PRKN: variants seen among roughly 807,000 people sequenced by gnomAD.
PRKN encodes parkin RBR E3 ubiquitin protein ligase.
In PRKN, 56 loss-of-function variants were observed where a neutral mutation model predicts 59.5. The ratio of observed to expected loss-of-function variants is 0.94; its 90% CI spans 0.76 to 1.18. PRKN has a LOEUF of 1.18. PRKN is among the 50% of genes most tolerant of loss of function. The pLI, the probability that PRKN is intolerant of heterozygous loss-of-function variation, is 0.00. For synonymous variants in PRKN, 250 were observed against 222.1 expected, an observed-to-expected ratio of 1.13 and a Z score of -1.12; for missense variants, 657 against 596.4, an observed-to-expected ratio of 1.10 and a Z score of -1.06.
At chr6:162,159,505 A>G (rs1011981253) in intron 4 of PRKN, among the ~76,000 whole-genome samples, 2 of 152,194 alleles carry the variant, frequency 1.3e-5, no homozygotes, top group Admixed American at 1.3e-4. Flanking sequence ...GTATCTGAAA[A>G]TTCAATATTG....
intron 6 of PRKN, among the ~76,000 whole-genome samples, chr6:161,832,556 G>A (rs933434111): frequency 2.0e-5 from 3 of 150,868 alleles, no homozygotes; most frequent in Admixed American, 1.3e-4. Flanking sequence ...CCCAGGAGGC[G>A]GTGGTTGCAG....
intron 7 of PRKN, among the ~76,000 whole-genome samples, chr6:161,774,113 TGAG>T (rs1789809301): frequency 6.6e-6 from 1 of 152,114 alleles, no homozygotes; most frequent in Non-Finnish European, 1.5e-5. Flanking sequence ...CCAGCTAGAA[TGAG>T]CTCTGCAACA....
At chr6:162,602,475 T>C (rs1415020899) in intron 1 of PRKN, among the ~76,000 whole-genome samples, 2 of 152,162 alleles carry the variant, frequency 1.3e-5, no homozygotes, top group East Asian at 3.9e-4. Flanking sequence ...GAGTTTGTTG[T>C]GAAGGCTCCA....
chr6:162,295,245 C>A (rs1781614841), intron 2 of PRKN, among the ~76,000 whole-genome samples: 1 of 152,154 alleles, frequency 6.6e-6, no homozygotes, highest in Non-Finnish European at 1.5e-5. Context: ...AGCTTTCTTA[C>A]CAGAGGAAGA....
intron 2 of PRKN, among the ~76,000 whole-genome samples, chr6:162,405,880 A>T (rs1186617353): frequency 6.6e-6 from 1 of 152,062 alleles, no homozygotes; most frequent in Non-Finnish European, 1.5e-5. Flanking sequence ...GAACATATAA[A>T]CCACGCAGTC....
chr6:161,923,787 C>T (rs181017323), intron 6 of PRKN, among the ~76,000 whole-genome samples: 3 of 152,122 alleles, frequency 2.0e-5, no homozygotes, highest in Non-Finnish European at 2.9e-5. Context: ...AGTACAATCA[C>T]GAAGTTCAGC....
At chr6:162,474,383 C>CT (rs199966598) in intron 1 of PRKN, among the ~76,000 whole-genome samples, 2,801 of 151,920 alleles carry the variant, frequency 0.018, 42 homozygotes, top group Non-Finnish European at 0.031. Context: ...TATTTGAATG[C>CT]TTTTTTTTAG....
intron 2 of PRKN, among the ~76,000 whole-genome samples, chr6:162,275,720 G>A (rs1228408698): frequency 6.6e-6 from 1 of 152,016 alleles, no homozygotes; most frequent in East Asian, 1.9e-4. Context: ...GGGAAGCAGA[G>A]GTTGCAGTGA....
intron 4 of PRKN, among the ~76,000 whole-genome samples, chr6:162,177,657 A>T (rs1783601791): frequency 6.6e-6 from 1 of 152,216 alleles, no homozygotes; most frequent in Non-Finnish European, 1.5e-5. Context: ...GAAAAAAAAA[A>T]TAAAAGCAAA....
At chr6:162,649,048 G>A (rs145515804) in intron 1 of PRKN, among the ~76,000 whole-genome samples, 1,685 of 152,120 alleles carry the variant, frequency 0.011, 20 homozygotes, top group African/African-American at 0.038. Context: ...CCAGCCTGCC[G>A]CACAAATTTC....
chr6:161,655,431 C>T (rs542413790), intron 7 of PRKN, among the ~76,000 whole-genome samples: 13 of 151,702 alleles, frequency 8.6e-5, no homozygotes, highest in Admixed American at 6.6e-5. Flanking sequence ...CTCTCACCAC[C>T]ATTGGCACGG....
At chr6:162,347,659 A>T (rs2128130118) in intron 2 of PRKN, among the ~76,000 whole-genome samples, 1 of 152,214 alleles carries the variant, frequency 6.6e-6, no homozygotes, top group East Asian at 1.9e-4. Flanking sequence ...AGCATTTGTT[A>T]ATTTTATTGC....
At chr6:162,226,552 G>T (rs1583227710) in intron 3 of PRKN, among the ~76,000 whole-genome samples, 1 of 152,168 alleles carries the variant, frequency 6.6e-6, no homozygotes, top group Non-Finnish European at 1.5e-5. Context: ...TTGTTTGTTT[G>T]TAGAGAGAGC....
In PRKN at chr6:162,304,535, CTATCTATCTATT is replaced by C. The variant is rs1345366603; in HGVS notation, c.172-41782_172-41771del. On this transcript the variant is annotated intron_variant, in intron 2 of 11. Coordinates refer to ENST00000366898, the MANE Select transcript of PRKN (RefSeq NM_004562.3). ...TCTATCTATCTATCTATCTATCTATCTATCTATCTATTTATCCATCTGTCCATTTATCTATCT... is the reference window on the plus strand; with the variant it reads ...TCTATCTATCTATCTATCTATCTATCTATCCATCTGTCCATTTATCTATCT... Among the ~76,000 whole-genome samples, 231 of 130,606 alleles carry C rather than the reference CTATCTATCTATT, an allele frequency of 1.8e-3. 2 individuals carry two copies. The highest frequency in any genetic ancestry group is 2.5e-3 in the Non-Finnish European group (154 of 62,236). 85.7% of individuals were successfully genotyped at this position (130,606 alleles called of 152,430 possible). A position where few individuals can be genotyped will look rare whatever the true frequency, so the allele number is the denominator to read the frequency against.
chr6:162,031,877 G>A (rs1489762047), intron 5 of PRKN, among the ~76,000 whole-genome samples: 3 of 152,102 alleles, frequency 2.0e-5, no homozygotes, highest in Non-Finnish European at 2.9e-5. Flanking sequence ...GATATATGAA[G>A]TCAGGCAACA....
chr6:162,287,137 T>C (rs1781228742), intron 2 of PRKN, among the ~76,000 whole-genome samples: 1 of 152,104 alleles, frequency 6.6e-6, no homozygotes, highest in Admixed American at 6.5e-5. Context: ...TGATAACAGA[T>C]TACAGATGAG....
At chr6:161,437,584 C>A (rs1788984373) in intron 9 of PRKN, among the ~76,000 whole-genome samples, 1 of 152,176 alleles carries the variant, frequency 6.6e-6, no homozygotes, top group Non-Finnish European at 1.5e-5. Context: ...AGGCTGGTTG[C>A]TGTCTGGAAA....
rs1230541299 is a variant in PRKN, at chr6:162,383,306, T to G, written c.171+60004A>C. 2.0e-5 allele frequency among the ~76,000 whole-genome samples: 3 copies of G among 152,194 alleles called. No individual in the cohort carries two copies. In the South Asian group the frequency reaches 6.2e-4, roughly 32 times the overall value. The stretch of plus-strand genomic sequence containing the variant: ...GAATAATAAGACTTGAAAATTAGAA[T>G]TACTCCTTGATTCATGGGCTACAGA... On this transcript the variant is annotated intron_variant, in intron 2 of 11. Transcript: ENST00000366898.
At chr6:161,970,907 AC>A (rs1379907060) in intron 6 of PRKN, among the ~76,000 whole-genome samples, 1 of 151,700 alleles carries the variant, frequency 6.6e-6, no homozygotes, top group South Asian at 2.1e-4. Flanking sequence ...ATCAGGAAAA[AC>A]CCCACAATGA....
Sources: gnomAD v4.1 joint callset for allele counts (sites outside exome capture counted in the v4.1 genomes callset) on GRCh38, gnomAD v4.1.1 for gene constraint, MANE v1.5 for transcripts, NCBI Gene and HGNC (gene_info 2026-07-23, HGNC 2026-07-21) for gene names.